MYO3B: variants seen among roughly 807,000 people sequenced by gnomAD.
The protein encoded by MYO3B is myosin IIIB, also known as myosin-IIIb.
Under a neutral mutation model 174.6 loss-of-function variants are expected in MYO3B, and 156 were observed. That is an observed-to-expected ratio of 0.89 (90% CI 0.78 to 1.02). The LOEUF (loss-of-function observed/expected upper bound fraction) is 1.02. Among genes scored for constraint, MYO3B ranks in the 50% least tolerant of loss-of-function variants. The probability of loss-of-function intolerance (pLI) is 0.00; values close to 1 mark genes in which losing one functional copy is unlikely to be tolerated. For missense variants in MYO3B, 1,632 were observed against 1,639.4 expected (o/e 1.00, Z 0.08); for synonymous variants, 563 against 569.1 (o/e 0.99, Z 0.15).
At chr2:170,179,119 G>T (rs920924555) in intron 1 of MYO3B, among the ~76,000 whole-genome samples, 1 of 152,040 alleles carries the variant, frequency 6.6e-6, no homozygotes, top group Non-Finnish European at 1.5e-5. Flanking sequence ...ATGCATGGGG[G>T]GCTTAATAGG....
intron 1 of MYO3B, among the ~76,000 whole-genome samples, chr2:170,178,898 G>A (rs1299850943): frequency 6.6e-6 from 1 of 152,108 alleles, no homozygotes; most frequent in African/African-American, 2.4e-5. Flanking sequence ...TGTTAATTTG[G>A]TAACATGACA....
intron 32 of MYO3B, among the ~76,000 whole-genome samples, chr2:170,634,599 A>G (rs1294511532): frequency 6.6e-6 from 1 of 152,250 alleles, no homozygotes; most frequent in East Asian, 1.9e-4. Flanking sequence ...CAATGGCAAC[A>G]AAAGCCAAAA....
intron 1 of MYO3B, among the ~76,000 whole-genome samples, chr2:170,186,206 T>A (rs1342659918): frequency 6.6e-6 from 1 of 152,202 alleles, no homozygotes; most frequent in African/African-American, 2.4e-5. Context: ...CTTGTCATAT[T>A]CCAGATATTA....
At chr2:170,544,532 T>G (rs1314426576) in intron 32 of MYO3B, among the ~76,000 whole-genome samples, 3 of 152,172 alleles carry the variant, frequency 2.0e-5, no homozygotes, top group Non-Finnish European at 4.4e-5. Flanking sequence ...AACATAATTG[T>G]AAGAAATATT....
At chr2:170,636,995 A>G (rs1453039783) in intron 32 of MYO3B, among the ~76,000 whole-genome samples, 2 of 133,792 alleles carry the variant, frequency 1.5e-5, no homozygotes, top group Non-Finnish European at 3.3e-5. Flanking sequence ...TGTGTAGGCA[A>G]TAATTTCCTT....
chr2:170,643,536 A>G (rs1008523119), intron 32 of MYO3B, among the ~76,000 whole-genome samples: 4 of 152,172 alleles, frequency 2.6e-5, no homozygotes, highest in Non-Finnish European at 5.9e-5. Flanking sequence ...CTCTAATCCT[A>G]TTTAAATGCC....
At chr2:170,554,866 T>C (rs1487363953) in intron 32 of MYO3B, among the ~76,000 whole-genome samples, 4 of 152,182 alleles carry the variant, frequency 2.6e-5, no homozygotes, top group African/African-American at 9.7e-5. Flanking sequence ...GGCTGTAAAA[T>C]GTGCCTAGAG....
chr2:170,551,281 A>G (rs938097497), intron 32 of MYO3B, among the ~76,000 whole-genome samples: 3 of 151,748 alleles, frequency 2.0e-5, no homozygotes, highest in Non-Finnish European at 2.9e-5. Flanking sequence ...ATTCTCCCAC[A>G]TGGCAAAATT....
chr2:170,549,011 G>A lies in MYO3B; in HGVS notation c.3733+5023G>A, dbSNP rs141412984. The stretch of plus-strand genomic sequence containing the variant: ...AGGTTTTAAGCATTTTTTTTAGGCA[G>A]TAAAAGAAGTGGGTTTGAGAGGGAG... On this transcript the variant is annotated intron_variant, in intron 32 of 34. Coordinates refer to ENST00000408978, the MANE Select transcript of MYO3B (RefSeq NM_138995.5). 2.1e-4 allele frequency among the ~76,000 whole-genome samples: 32 copies of A among 152,220 alleles called. 1 individual carries two copies. In the East Asian group the frequency reaches 5.8e-3, roughly 28 times the overall value.
At chr2:170,456,090 C>T (rs1363925909) in intron 23 of MYO3B, among the ~76,000 whole-genome samples, 1 of 151,878 alleles carries the variant, frequency 6.6e-6, no homozygotes, top group Non-Finnish European at 1.5e-5. Flanking sequence ...GATTACCCAC[C>T]AGACAAATGG....
At chr2:170,564,651 G>A (rs1040414097) in intron 32 of MYO3B, among the ~76,000 whole-genome samples, 5 of 152,016 alleles carry the variant, frequency 3.3e-5, no homozygotes, top group African/African-American at 7.2e-5. Context: ...AAAAATATTT[G>A]CAATATGTAT....
chr2:170,365,242 C>T (rs973900147), intron 8 of MYO3B, among the ~76,000 whole-genome samples: 4 of 152,296 alleles, frequency 2.6e-5, no homozygotes, highest in African/African-American at 9.6e-5. Context: ...GACTTGATCC[C>T]ATTTCCTCAC....
chr2:170,241,319 T>G (rs558403616), intron 7 of MYO3B, among the ~76,000 whole-genome samples: 21 of 152,332 alleles, frequency 1.4e-4, no homozygotes, highest in African/African-American at 4.8e-4. Flanking sequence ...TAAATAGAGC[T>G]GTATGACCTA....
At chr2:170,628,719 C>CT (rs1384661129) in intron 32 of MYO3B, among the ~76,000 whole-genome samples, 1 of 152,014 alleles carries the variant, frequency 6.6e-6, no homozygotes, top group African/African-American at 2.4e-5. Flanking sequence ...ATTACAAAAC[C>CT]TACAGCCACT....
intron 12 of MYO3B, chr2:170,384,065 T>C (rs1286598059): frequency 5.0e-6 from 2 of 402,314 alleles, no homozygotes; most frequent in African/African-American, 4.0e-5. Flanking sequence ...TGATAAGATA[T>C]AATAAAAATG....
chr2:170,545,818 T>A (rs956707061), intron 32 of MYO3B, among the ~76,000 whole-genome samples: 1 of 152,192 alleles, frequency 6.6e-6, no homozygotes, highest in African/African-American at 2.4e-5. Flanking sequence ...ATCCTAAGTA[T>A]TTTTCCTGCC....
chr2:170,523,774 G>A (rs1688825403), intron 30 of MYO3B, among the ~76,000 whole-genome samples: 1 of 152,208 alleles, frequency 6.6e-6, no homozygotes, highest in Non-Finnish European at 1.5e-5. Context: ...GAAGACAGAA[G>A]CGGATGGAAA....
intron 6 of MYO3B, among the ~76,000 whole-genome samples, chr2:170,218,006 C>A (rs2092849918): frequency 6.6e-6 from 1 of 152,190 alleles, no homozygotes; most frequent in African/African-American, 2.4e-5. Flanking sequence ...TTTTTCAGGT[C>A]ATTTAATTCC....
intron 9 of MYO3B, among the ~76,000 whole-genome samples, chr2:170,376,487 G>T (rs1219077094): frequency 6.6e-6 from 1 of 152,168 alleles, no homozygotes; most frequent in African/African-American, 2.4e-5. Context: ...GGAATCCATT[G>T]AATGTAGTGA....
Sources: gnomAD v4.1 joint callset for allele counts (sites outside exome capture counted in the v4.1 genomes callset) on GRCh38, gnomAD v4.1.1 for gene constraint, MANE v1.5 for transcripts, NCBI Gene and HGNC (gene_info 2026-07-23, HGNC 2026-07-21) for gene names.